The following MYO16 variants were observed in gnomAD, a reference collection of about 807,000 sequenced individuals.
The protein encoded by MYO16 is unconventional myosin-XVI.
MYO16 carries 94 observed loss-of-function variants against 205.3 expected under a neutral mutation model. The ratio of observed to expected loss-of-function variants is 0.46; its 90% confidence interval spans 0.39 to 0.54. The LOEUF (loss-of-function observed/expected upper bound fraction) is 0.54. Among genes scored for constraint, MYO16 ranks in the 20% least tolerant of loss-of-function variants. The probability of loss-of-function intolerance (pLI) is 0.00; values close to 1 mark genes in which losing one functional copy is unlikely to be tolerated. For synonymous variants in MYO16, 988 were observed against 954.0 expected (o/e 1.04, Z -0.66); for missense variants, 2,315 against 2,387.5 (o/e 0.97, Z 0.63).
chr13:108,624,740 G>A (rs1449528836), upstream of MYO16, among the ~76,000 whole-genome samples: 1 of 151,310 alleles, frequency 6.6e-6, no homozygotes. Context: ...GAAGTGGGTG[G>A]CCAAATGCCC....
Position 109,055,748 on chromosome 13 carries a change from G to A in MYO16, c.3335+153G>A. On this transcript the variant is annotated intron_variant, in intron 27 of 34. Transcript: ENST00000457511. This position sits in a 1 kb window ranked among gnomAD's most constrained non-coding sequence, Gnocchi z 5.0. ...TATCTCCAATAAACAAAATATTCTG[G>A]GAAACAATGAAATACACTGACAAAG... 2.0e-5 allele frequency: 13 copies of A among 641,004 alleles called. No homozygotes were observed. Among genetic ancestry groups the A allele is most frequent in the South Asian group, 6.1e-5 (3 of 49,480 alleles). The allele number at this position is 641,004 out of a possible 1,614,324, so 39.7% of individuals were successfully genotyped here. A position where few individuals can be genotyped will look rare whatever the true frequency, so the allele number is the denominator to read the frequency against.
chr13:108,874,304 C>A (rs1168686571), intron 12 of MYO16, among the ~76,000 whole-genome samples: 2 of 151,964 alleles, frequency 1.3e-5, no homozygotes, highest in Non-Finnish European at 2.9e-5. Flanking sequence ...ACTAGAGCCA[C>A]ATTATGGGGT....
intron 4 of MYO16, among the ~76,000 whole-genome samples, chr13:108,753,231 G>T (rs1012302091): frequency 1.3e-5 from 2 of 151,814 alleles, no homozygotes; most frequent in Non-Finnish European, 2.9e-5. Flanking sequence ...TTAGCCGGGT[G>T]TGTTGGCGGG....
intron 12 of MYO16, 44 bp downstream of exon 12, chr13:108,866,286 A>T: frequency 8.0e-7 from 1 of 1,252,424 alleles, no homozygotes; most frequent in South Asian, 1.5e-5. Context: ...GTAGAGTAAT[A>T]CTTTCTAGTC....
At chr13:108,758,241 A>T (rs1335086006) in intron 4 of MYO16, among the ~76,000 whole-genome samples, 2 of 152,228 alleles carry the variant, frequency 1.3e-5, no homozygotes, top group Non-Finnish European at 2.9e-5. Flanking sequence ...TTGCTATAGT[A>T]GTCTGAATAA....
chr13:108,900,369 C>A lies in MYO16; in HGVS notation c.1777+2236C>A, dbSNP rs76168078. 2.8e-3 allele frequency among the ~76,000 whole-genome samples: 425 copies of A among 152,156 alleles called. 1 individual carries two copies. The highest frequency in any genetic ancestry group is 9.8e-3 in the African/African-American group (406 of 41,512). ...CAGCTTGTCCAGGCAGCATTGAGAC[C>A]CAGAGGTGATACATATTCATAATGA... On this transcript the variant is annotated intron_variant, in intron 15 of 34. Coordinates refer to ENST00000457511, the MANE Select transcript of MYO16 (RefSeq NM_001198950.3).
rs753286125 is a variant in MYO16 at position 108,844,347 on chromosome 13, C to A, written c.1102C>A (p.Pro368Thr). 1.9e-6 allele frequency: 3 copies of A among 1,610,972 alleles called. No homozygotes were observed. The African/African-American group carries it at 4.0e-5, about 22-fold the overall frequency. Residue 368 changes from proline to threonine, a missense_variant, in exon 10 of 35, where the codon CCC (proline) becomes ACC (threonine). Pro to Thr is a conservative substitution (Grantham distance 38, BLOSUM62 -1). Coordinates refer to ENST00000457511, the MANE Select transcript of MYO16 (RefSeq NM_001198950.3). ...TATTGATTTTTTTTCCTGTAGCAGT[C>A]CCCTGGTGTTACCAATTGCCAAGCA... ...DLPVLSSKLS[P>T]LVLPIAKQDS...
intron 2 of MYO16, among the ~76,000 whole-genome samples, chr13:108,697,867 C>T (rs545833027): frequency 6.6e-5 from 10 of 152,154 alleles, no homozygotes; most frequent in African/African-American, 1.9e-4. Context: ...GGGCTACAGG[C>T]GTGCACCACC....
chr13:108,543,657 A>G, the MYO16 span, among the ~76,000 whole-genome samples: 365 of 150,398 alleles, frequency 2.4e-3, 3 homozygotes, highest in African/African-American at 8.4e-3. Context: ...AAAAAAAAAA[A>G]AAAAAAGAAA....
intron 20 of MYO16, among the ~76,000 whole-genome samples, chr13:108,985,600 T>C (rs1884599941): frequency 6.6e-6 from 1 of 152,212 alleles, no homozygotes; most frequent in Non-Finnish European, 1.5e-5. Flanking sequence ...GAAGAATGTA[T>C]TTTCAGTTCT....
rs1181676669 is a variant in MYO16, at chr13:109,013,114, ACC to A, written c.2595+4073_2595+4074del. On this transcript the variant is annotated intron_variant, in intron 22 of 34. Coordinates refer to ENST00000457511, the MANE Select transcript of MYO16 (RefSeq NM_001198950.3). ...TTTCTCCTAATGCTACCCCTCCCCC[ACC>A]CCCCCCCACCCCACCACAGGCCCCA... Among the ~76,000 whole-genome samples the A allele has an allele frequency of 9.1e-5, 5 of 55,130 alleles. 1 individual carries two copies. Among genetic ancestry groups the A allele is most frequent in the Non-Finnish European group, 1.7e-4 (5 of 29,302 alleles). 36.2% of individuals were successfully genotyped at this position (55,130 alleles called of 152,430 possible).
chr13:108,820,659 T>C (rs1188903541), intron 8 of MYO16, among the ~76,000 whole-genome samples: 2 of 152,200 alleles, frequency 1.3e-5, no homozygotes, highest in Non-Finnish European at 2.9e-5. Flanking sequence ...TACTTTGTTG[T>C]ATTTTGCCTT....
intron 1 of MYO16, among the ~76,000 whole-genome samples, chr13:108,654,305 G>A (rs888913452): frequency 6.6e-5 from 10 of 152,040 alleles, no homozygotes; most frequent in African/African-American, 1.4e-4. Context: ...TCACGGGGGC[G>A]GTTTCCCCCA....
At chr13:109,115,702 T>C (rs1183557826) in intron 28 of MYO16, among the ~76,000 whole-genome samples, 1 of 152,154 alleles carries the variant, frequency 6.6e-6, no homozygotes, top group South Asian at 2.1e-4. Context: ...TCAAAAATGG[T>C]CAATAATTTT....
the MYO16 span, among the ~76,000 whole-genome samples, chr13:108,534,887 C>T: frequency 1.3e-5 from 2 of 148,838 alleles, no homozygotes; most frequent in African/African-American, 2.5e-5. Flanking sequence ...TTCTTCTTCT[C>T]CTCTTTCTTC....
intron 20 of MYO16, among the ~76,000 whole-genome samples, chr13:108,972,701 C>T (rs1169597506): frequency 1.3e-5 from 2 of 151,636 alleles, no homozygotes; most frequent in South Asian, 4.2e-4. Context: ...GCTCAACTGC[C>T]ACTCTTTCTC....
chr13:108,875,408 T>G (rs917437950), intron 12 of MYO16, among the ~76,000 whole-genome samples: 1 of 152,174 alleles, frequency 6.6e-6, no homozygotes, highest in Non-Finnish European at 1.5e-5. Context: ...CTCAAAGTTT[T>G]ATAGAATTAC....
intron 28 of MYO16, among the ~76,000 whole-genome samples, chr13:109,116,638 T>C (rs906993711): frequency 1.8e-4 from 28 of 152,210 alleles, no homozygotes; most frequent in Non-Finnish European, 1.3e-4. Context: ...ACTCTTCCTA[T>C]AATTTACCCT....
At chr13:108,522,361 T>A in the MYO16 span, among the ~76,000 whole-genome samples, 3 of 152,238 alleles carry the variant, frequency 2.0e-5, no homozygotes, top group Admixed American at 6.5e-5. Flanking sequence ...ATGTTCCTTT[T>A]TTTCCCACAT....
Sources: gnomAD v4.1 joint callset for allele counts (sites outside exome capture counted in the v4.1 genomes callset) on GRCh38, gnomAD v4.1.1 for gene constraint, Gnocchi (gnomAD v3.1) non-coding constraint, MANE v1.5 for transcripts, NCBI Gene and HGNC (gene_info 2026-07-23, HGNC 2026-07-21) for gene names.